Variants in FGF12 observed in about 807,000 individuals in gnomAD.
FGF12 encodes fibroblast growth factor 12.
In FGF12, 14 loss-of-function variants were observed where a neutral mutation model predicts 23.6. The ratio of observed to expected loss-of-function variants is 0.59; its 90% CI spans 0.39 to 0.93. The LOEUF is 0.93. Among genes scored for constraint, FGF12 ranks in the 40% least tolerant of loss-of-function variants. FGF12 has a pLI of 0.00. For missense variants in FGF12, 175 were observed against 217.8 expected (o/e 0.80, Z 1.24); for synonymous variants, 62 against 77.3 (o/e 0.80, Z 1.04).
At chr3:192,235,349 C>A (rs1719233082) in intron 4 of FGF12, among the ~76,000 whole-genome samples, 1 of 152,122 alleles carries the variant, frequency 6.6e-6, no homozygotes, top group South Asian at 2.1e-4. Flanking sequence ...CCCTGGGTCG[C>A]CAGGCTACAA....
intron 2 of FGF12, among the ~76,000 whole-genome samples, chr3:192,595,806 C>T (rs1210825422): frequency 6.6e-6 from 1 of 152,094 alleles, no homozygotes; most frequent in Admixed American, 6.5e-5. Context: ...TTTTAAAAAA[C>T]TTTGAAAGCC....
At chr3:192,513,376 G>A (rs564772817) in intron 2 of FGF12, among the ~76,000 whole-genome samples, 2 of 152,182 alleles carry the variant, frequency 1.3e-5, no homozygotes, top group Admixed American at 1.3e-4. Context: ...ATGAGATCTC[G>A]TTGCTGATTC....
At chr3:192,598,884 T>A (rs1055854129) in intron 2 of FGF12, among the ~76,000 whole-genome samples, 3 of 152,096 alleles carry the variant, frequency 2.0e-5, no homozygotes, top group Admixed American at 6.6e-5. Flanking sequence ...AATGATAGAC[T>A]GGACAAAGAA....
At chr3:192,226,285 G>A (rs1376924849) in intron 4 of FGF12, among the ~76,000 whole-genome samples, 3 of 152,040 alleles carry the variant, frequency 2.0e-5, no homozygotes, top group Non-Finnish European at 4.4e-5. Context: ...ACCATAATAT[G>A]TCACATAGTA....
intron 2 of FGF12, among the ~76,000 whole-genome samples, chr3:192,390,458 T>C (rs1720244391): frequency 6.6e-6 from 1 of 152,220 alleles, no homozygotes; most frequent in Non-Finnish European, 1.5e-5. Flanking sequence ...TGACATTAAA[T>C]ATGTTTTGAA....
Position 192,143,956 on chromosome 3 carries a change from G to T in FGF12, c.*53C>A. 4 of 1,109,554 alleles carry T rather than the reference G, an allele frequency of 3.6e-6. No homozygotes were observed. The highest frequency in any genetic ancestry group is 4.1e-6 in the Non-Finnish European group (3 of 727,824). 68.7% of individuals were successfully genotyped at this position (1,109,554 alleles called of 1,614,324 possible). A position where few individuals can be genotyped will look rare whatever the true frequency, so the allele number is the denominator to read the frequency against. On this transcript the variant is annotated 3_prime_UTR_variant, in exon 6 of 6. Coordinates refer to ENST00000445105, the MANE Select transcript of FGF12 (RefSeq NM_004113.6). ...TTTACTGGAAGGAAATGGGTAAATG[G>T]GAAGGAAGGGAAGGGGAAGGGATGA...
At chr3:192,413,907 T>C (rs2108780003) in intron 2 of FGF12, among the ~76,000 whole-genome samples, 1 of 152,352 alleles carries the variant, frequency 6.6e-6, no homozygotes, top group Admixed American at 6.5e-5. Context: ...TTTTCTGACA[T>C]ATTGTCAGTT....
Position 192,649,836 on chromosome 3 carries a change from C to G in FGF12, c.13+77345G>C, listed in dbSNP as rs112552454. ...CCTTCCTCCCAAAGTGCTGGTATTA[C>G]AGGTGTGGTCCCTGGCCTTTTAACA... On this transcript the variant is annotated intron_variant, in intron 2 of 5. Coordinates refer to ENST00000445105, the MANE Select transcript of FGF12 (RefSeq NM_004113.6). Among the ~76,000 whole-genome samples the G allele has an allele frequency of 3.6e-3, 554 of 152,174 alleles. 4 individuals are homozygous for G. Among genetic ancestry groups the G allele is most frequent in the African/African-American group, 0.013 (525 of 41,530 alleles).
rs1717325952 is a variant in FGF12 at position 192,676,330 on chromosome 3, G to A, written c.13+50851C>T. ...AGCTGCAGAGTCCTAGGAGCATAGA[G>A]TTGAATGAAATCTAAGAGAACAACA... is the stretch of plus-strand genomic sequence containing the variant. On this transcript the variant is annotated intron_variant, in intron 2 of 5. Transcript: ENST00000445105. Among the ~76,000 whole-genome samples, 3 of 152,172 alleles carry A rather than the reference G, an allele frequency of 2.0e-5. No homozygotes were observed. In the South Asian group the frequency reaches 6.2e-4, roughly 32 times the overall value.
chr3:192,401,136 T>C (rs1246316826), intron 2 of FGF12, among the ~76,000 whole-genome samples: 1 of 152,242 alleles, frequency 6.6e-6, no homozygotes, highest in Admixed American at 6.5e-5. Context: ...ATAAAACTTA[T>C]CTTTATTTTC....
At chr3:192,435,505 G>A (rs543239858) in intron 2 of FGF12, among the ~76,000 whole-genome samples, 7 of 152,224 alleles carry the variant, frequency 4.6e-5, no homozygotes, top group African/African-American at 1.4e-4. Flanking sequence ...GGAAGTTGGC[G>A]ATCCATTTTG....
chr3:192,276,978 T>C (rs774782470), intron 4 of FGF12, among the ~76,000 whole-genome samples: 2 of 152,206 alleles, frequency 1.3e-5, no homozygotes, highest in Non-Finnish European at 2.9e-5. Context: ...CAGGATACTG[T>C]CCATACTTTG....
At position 192,517,897 on chromosome 3, in the gene FGF12, T is replaced by C. The variant is rs1203348117; in HGVS notation, c.14-157359A>G. Among the ~76,000 whole-genome samples, 5 of 152,202 alleles carry C rather than the reference T, an allele frequency of 3.3e-5. No homozygotes were observed. In the East Asian group the frequency reaches 9.6e-4, roughly 29 times the overall value. On this transcript the variant is annotated intron_variant, in intron 2 of 5. Transcript: ENST00000445105. ...ACAATTAGGCACACAGAGTACAGTC[T>C]TTCTGAAGTATCTTGAGCAATATAT...
chr3:192,710,635 T>C (rs1396649516), intron 2 of FGF12, among the ~76,000 whole-genome samples: 1 of 152,082 alleles, frequency 6.6e-6, no homozygotes, highest in Non-Finnish European at 1.5e-5. Flanking sequence ...GAGAAAAGGG[T>C]AAATTATGCA....
intron 4 of FGF12, chr3:192,267,208 G>A (rs1713133737): frequency 6.6e-6 from 1 of 152,112 alleles, no homozygotes; most frequent in Admixed American, 6.6e-5. Flanking sequence ...GAAATCACAG[G>A]TTACATAGTT....
chr3:192,329,451 C>G (rs1217101407), intron 4 of FGF12, among the ~76,000 whole-genome samples: 1 of 152,066 alleles, frequency 6.6e-6, no homozygotes, highest in African/African-American at 2.4e-5. Context: ...GTGTTCTAAC[C>G]ACAATTTGAA....
At chr3:192,497,028 C>G (rs1365004785) in intron 2 of FGF12, among the ~76,000 whole-genome samples, 3 of 152,218 alleles carry the variant, frequency 2.0e-5, no homozygotes, top group African/African-American at 7.2e-5. Context: ...GAATCACACA[C>G]TCATGTCTCA....
intron 4 of FGF12, among the ~76,000 whole-genome samples, chr3:192,204,710 A>T (rs1717551835): frequency 6.6e-6 from 1 of 151,932 alleles, no homozygotes; most frequent in Non-Finnish European, 1.5e-5. Context: ...ACGTGGCAAA[A>T]CCCCATCTCT....
intron 4 of FGF12, among the ~76,000 whole-genome samples, chr3:192,256,610 C>T (rs1712412597): frequency 6.6e-6 from 1 of 152,086 alleles, no homozygotes; most frequent in South Asian, 2.1e-4. Flanking sequence ...AACTTTTTAA[C>T]ATCAAGTTTC....
Sources: allele counts gnomAD v4.1 joint callset (sites outside exome capture counted in the v4.1 genomes callset), GRCh38; gene constraint gnomAD v4.1.1; transcripts MANE v1.5; gene names NCBI Gene and HGNC (gene_info 2026-07-23, HGNC 2026-07-21).